KNL1: variants seen among roughly 807,000 people sequenced by gnomAD.
KNL1 encodes the protein kinetochore scaffold 1.
A neutral mutation model predicts 201.3 loss-of-function variants in KNL1; 66 were observed. That is an observed-to-expected ratio of 0.33 (90% CI 0.27 to 0.40). KNL1 has a LOEUF of 0.40. Among genes scored for constraint, KNL1 ranks in the 10% least tolerant of loss-of-function variants. The pLI, the probability that KNL1 is intolerant of heterozygous loss-of-function variation, is 1.00. For missense variants in KNL1, 2,815 were observed against 2,690.5 expected, an observed-to-expected ratio of 1.05 and a Z score of -1.02; for synonymous variants, 895 against 899.2, an observed-to-expected ratio of 1.00 and a Z score of 0.08.
Position 40,638,950 on chromosome 15 carries a change from T to C in KNL1, c.5683-1962T>C, listed in dbSNP as rs185649211. ...CCTCAGCCTCCTGAGTAGCTGGGATTACAGGCATGCGCCACCACACCCGGC... is the reference window on the plus strand; with the variant it reads ...CCTCAGCCTCCTGAGTAGCTGGGATCACAGGCATGCGCCACCACACCCGGC... On this transcript the variant is annotated intron_variant, in intron 13 of 25. Coordinates refer to ENST00000399668, the MANE Select transcript of KNL1 (RefSeq NM_144508.5). Among the ~76,000 whole-genome samples the C allele has an allele frequency of 3.9e-3, 591 of 151,652 alleles. 1 individual carries two copies. The highest frequency in any genetic ancestry group is 6.8e-3 in the Non-Finnish European group (463 of 67,916).
At chr15:40,650,889 G>A (rs968590428) in intron 19 of KNL1, among the ~76,000 whole-genome samples, 3 of 152,034 alleles carry the variant, frequency 2.0e-5, no homozygotes, top group Non-Finnish European at 4.4e-5. Context: ...TTAGGCCTAT[G>A]AATCTTATTC....
At chr15:40,651,076 A>G (rs1893542813) in intron 19 of KNL1, among the ~76,000 whole-genome samples, 1 of 142,318 alleles carries the variant, frequency 7.0e-6, no homozygotes, top group Admixed American at 7.1e-5. Context: ...AAATACAGGC[A>G]AAAAAAAAAA....
In KNL1 at chr15:40,606,406, C is replaced by G; in HGVS notation, c.89C>G (p.Pro30Arg). The change falls in exon 4 of 26, where the codon CCA becomes CGA. Residue 30 changes from proline (P) to arginine (R), a missense_variant. Pro to Arg is a moderately radical substitution (Grantham distance 103). Transcript: ENST00000399668. ...RRRHSSILKP[P>R]RSPLQDLRGG... ...TTGTTACCCTAGATATTGAAACCCC[C>G]AAGGAGTCCTCTTCAGGACCTCAGA... 1 of 1,578,190 alleles carries G rather than the reference C, an allele frequency of 6.3e-7. No homozygotes were observed. The highest frequency in any genetic ancestry group is 1.1e-5 in the South Asian group (1 of 90,030).
chr15:40,622,851 G>A lies in KNL1; in HGVS notation c.2587G>A (p.Val863Ile). 2 of 1,613,552 alleles carry A rather than the reference G, an allele frequency of 1.2e-6. No homozygotes were observed. The highest frequency in any genetic ancestry group is 1.7e-5 in the Admixed American group (1 of 59,932). ...VGGPKIDKTI[V>I]FSEDDKNDMD... ...TGGACCAAAAATTGATAAGACTATT[G>A]TATTTTCAGAAGACGATAAGAATGA... The change falls in exon 10 of 26, where the codon GTA becomes ATA. Residue 863 changes from valine to isoleucine, a missense_variant. Val to Ile is a conservative substitution (Grantham distance 29). Transcript: ENST00000399668.
At chr15:40,653,652 C>T (rs527605143) in intron 21 of KNL1, among the ~76,000 whole-genome samples, 2 of 152,156 alleles carry the variant, frequency 1.3e-5, no homozygotes, top group African/African-American at 2.4e-5. Context: ...GACTATGCAC[C>T]TATTACTCTT....
intron 13 of KNL1, among the ~76,000 whole-genome samples, chr15:40,630,998 G>A (rs958100032): frequency 6.6e-6 from 1 of 151,948 alleles, no homozygotes; most frequent in African/African-American, 2.4e-5. Flanking sequence ...CACACCTGTA[G>A]TCCCCGCTAC....
Position 40,659,517 on chromosome 15 carries a change from G to T in KNL1, c.6836+56G>T, listed in dbSNP as rs1893841694. 1.0e-5 allele frequency: 16 copies of T among 1,544,462 alleles called. No homozygotes were observed. In the South Asian group the frequency reaches 1.8e-4, roughly 17 times the overall value. On this transcript the variant is annotated intron_variant, in intron 25 of 25. Transcript: ENST00000399668. ...GGGCTACTTCTTTTTTTTTGAGATG[G>T]AGTCTGGCTCTGTTGCCCAGGCTGG...
chr15:40,594,736 C>T (rs924142386), intron 1 of KNL1, among the ~76,000 whole-genome samples: 2 of 152,258 alleles, frequency 1.3e-5, no homozygotes, highest in African/African-American at 4.8e-5. Flanking sequence ...TTCTTGCACC[C>T]CTGCCGCTCT....
chr15:40,657,012 C>T lies in KNL1; in HGVS notation c.6485-30C>T, dbSNP rs772726229. The T allele has an allele frequency of 1.0e-5, 11 of 1,096,270 alleles. No individual in the cohort carries two copies. In the African/African-American group the frequency reaches 1.8e-4, roughly 18 times the overall value. 67.9% of individuals were successfully genotyped at this position (1,096,270 alleles called of 1,614,324 possible). On this transcript the variant is annotated intron_variant, in intron 22 of 25. Coordinates refer to ENST00000399668, the MANE Select transcript of KNL1 (RefSeq NM_144508.5). Reference sequence around the variant, plus strand: ...AAATATATGAATCATAAGTAATAACCTGCTTTTGCTTTTTTTTTTCCTTCC... The same window carrying T: ...AAATATATGAATCATAAGTAATAACTTGCTTTTGCTTTTTTTTTTCCTTCC...
At position 40,659,894 on chromosome 15, in the gene KNL1, A is replaced by ATGTGTGTGTGTGTG. The variant is rs776409302; in HGVS notation, c.6836+453_6836+466dup. Among the ~76,000 whole-genome samples, 291 of 146,958 alleles carry ATGTGTGTGTGTGTG rather than the reference A, an allele frequency of 2.0e-3. 1 individual carries two copies. Among genetic ancestry groups the ATGTGTGTGTGTGTG allele is most frequent in the African/African-American group, 4.1e-3 (165 of 39,992 alleles). On this transcript the variant is annotated intron_variant, in intron 25 of 25. Transcript: ENST00000399668. ...CTCTTGAGTTCATTTTGAAGAATTT[A>ATGTGTGTGTGTGTG]TGTGTGTGTGTGTGTGTGTGTGTGT... is the stretch of plus-strand genomic sequence containing the variant.
At chr15:40,629,028 G>A (rs1016287202) in intron 12 of KNL1, among the ~76,000 whole-genome samples, 1 of 151,992 alleles carries the variant, frequency 6.6e-6, no homozygotes, top group Non-Finnish European at 1.5e-5. Flanking sequence ...GCAAGGTCTT[G>A]TCTCAAAAAA....
chr15:40,609,058 A>G, intron 5 of KNL1, 150 bp downstream of exon 5: 1 of 578,296 alleles, frequency 1.7e-6, no homozygotes. Context: ...TAAAAGAGAA[A>G]CAAAGCATTC....
chr15:40,642,312 T>A (rs1760458491), intron 14 of KNL1, among the ~76,000 whole-genome samples: 1 of 150,866 alleles, frequency 6.6e-6, no homozygotes, highest in Non-Finnish European at 1.5e-5. Context: ...GGCGGGAGAA[T>A]GGCGCGAACC....
intron 13 of KNL1, 76 bp downstream of exon 13, chr15:40,629,447 G>A: frequency 3.3e-6 from 2 of 603,800 alleles, no homozygotes; most frequent in South Asian, 1.8e-5. Context: ...ATGGAAGAGA[G>A]CAAATTTTCC....
chr15:40,630,499 G>A (rs1432805082), intron 13 of KNL1, among the ~76,000 whole-genome samples: 1 of 152,212 alleles, frequency 6.6e-6, no homozygotes, highest in African/African-American at 2.4e-5. Context: ...AACAGCAGGA[G>A]GTGAATGGTG....
Position 40,641,838 on chromosome 15 carries a change from A to G in KNL1, c.5798+811A>G, listed in dbSNP as rs78552414. Among the ~76,000 whole-genome samples the G allele has an allele frequency of 5.0e-3, 765 of 152,366 alleles. 23 individuals are homozygous for G. Among genetic ancestry groups the G allele is most frequent in the Admixed American group, 0.036 (547 of 15,304 alleles). On this transcript the variant is annotated intron_variant, in intron 14 of 25. Transcript: ENST00000399668. The stretch of plus-strand genomic sequence containing the variant: ...AATTTTACCACATTTACGCTTGTTT[A>G]CATATATAAAAGAACATGGTTTTAC...
intron 24 of KNL1, among the ~76,000 whole-genome samples, chr15:40,658,545 AAGAG>A (rs1380696025): frequency 4.7e-4 from 28 of 59,190 alleles, no homozygotes; most frequent in African/African-American, 1.7e-3. Flanking sequence ...AAAAAAAAAA[AAGAG>A]AGAATCTGTC....
intron 13 of KNL1, among the ~76,000 whole-genome samples, chr15:40,636,759 A>G (rs1484196915): frequency 6.6e-6 from 1 of 152,130 alleles, no homozygotes; most frequent in Non-Finnish European, 1.5e-5. Flanking sequence ...TGAACCCGGG[A>G]GATGGAGGCT....
Position 40,625,241 on chromosome 15 carries a change from C to A in KNL1, c.4977C>A (p.Asn1659Lys). Residue 1659 changes from asparagine to lysine, a missense_variant, in exon 10 of 26, where the codon AAC (asparagine) becomes AAA (lysine). This residue lies in a region of KNL1 where 2,464 missense variants were observed against 2,291.7 expected (regional missense o/e 1.08). Coordinates refer to ENST00000399668, the MANE Select transcript of KNL1 (RefSeq NM_144508.5). ...SLGIFLPRLPNKRNCSVTGID... is the reference protein window; with the variant it reads ...SLGIFLPRLPKKRNCSVTGID... ...GAATCTTTTTGCCTAGATTGCCCAA[C>A]AAGAGAAATTGTAGTGTCACTGGTA... 6.2e-7 allele frequency: 1 copy of A among 1,613,976 alleles called. No homozygotes were observed. Among genetic ancestry groups the A allele is most frequent in the Non-Finnish European group, 8.5e-7 (1 of 1,179,930 alleles).
Sources: allele counts gnomAD v4.1 joint callset (sites outside exome capture counted in the v4.1 genomes callset), GRCh38; gene constraint gnomAD v4.1.1; regional missense constraint gnomAD v4.1.1; transcripts MANE v1.5; gene names NCBI Gene and HGNC (gene_info 2026-07-23, HGNC 2026-07-21).